Variants in MYO18A observed in about 807,000 individuals in gnomAD.
MYO18A encodes myosin XVIIIA, also known as unconventional myosin-XVIIIa.
MYO18A carries 78 observed loss-of-function variants against 235.8 expected under a neutral mutation model. The observed-to-expected ratio is 0.33, with a 90% CI of 0.28 to 0.40. MYO18A has a LOEUF of 0.40. Ranked by LOEUF, MYO18A falls within the 10% of genes least tolerant of loss-of-function variation. The pLI, the probability that MYO18A is intolerant of heterozygous loss-of-function variation, is 1.00. For synonymous variants in MYO18A, 977 were observed against 1,077.8 expected (o/e 0.91, Z 1.83); for missense variants, 2,215 against 2,699.3 (o/e 0.82, Z 3.98).
chr17:29,113,320 G>A (rs1288333353), intron 15 of MYO18A, among the ~76,000 whole-genome samples: 1 of 152,238 alleles, frequency 6.6e-6, no homozygotes, highest in East Asian at 1.9e-4. Flanking sequence ...TCGCAAAAAT[G>A]CCAGTTCTCC....
chr17:29,115,301 C>T (rs1349271314), intron 13 of MYO18A, 50 bp downstream of exon 13: 1 of 1,598,348 alleles, frequency 6.3e-7, no homozygotes. Context: ...AAGGCATCTA[C>T]TCCACCTCTG....
At chr17:29,086,908 G>T in intron 38 of MYO18A, 28 bp downstream of exon 38, 1 of 1,594,322 alleles carries the variant, frequency 6.3e-7, no homozygotes, top group Admixed American at 1.7e-5. Context: ...GCTGCCATGT[G>T]GGCCCCGTGG....
chr17:29,116,527 T>C, intron 10 of MYO18A, 72 bp from the exon 11 acceptor site: 1 of 1,598,282 alleles, frequency 6.3e-7, no homozygotes, highest in Non-Finnish European at 8.6e-7. Flanking sequence ...TCAATAGAGC[T>C]CGCCGCCTCG....
At position 29,093,342 on chromosome 17, in the gene MYO18A, A is replaced by T. The variant is rs1238100613; in HGVS notation, c.4907T>A (p.Leu1636His). Residue 1636 changes from leucine (L) to histidine (H), a missense_variant, in exon 32 of 42, where the codon CTC becomes CAC. Leu to His is a moderately conservative substitution (Grantham distance 99, BLOSUM62 -3). Coordinates refer to ENST00000527372, the MANE Select transcript of MYO18A (RefSeq NM_078471.4). ...CCTGACCTGGTCGCTGAGGGTGGCG[A>T]GCTTGCCCTCCAGCTCCCGCTTCTC... is the stretch of plus-strand genomic sequence containing the variant. ...LREKRELEGK[L>H]ATLSDQVNRR... 1 of 1,612,012 alleles carries T rather than the reference A, an allele frequency of 6.2e-7. No individual in the cohort carries two copies. The highest frequency in any genetic ancestry group is 8.5e-7 in the Non-Finnish European group (1 of 1,179,602).
At chr17:29,088,086 C>CT (rs2066301772) in intron 37 of MYO18A, among the ~76,000 whole-genome samples, 1 of 129,038 alleles carries the variant, frequency 7.7e-6, no homozygotes, top group Non-Finnish European at 1.6e-5. Context: ...GACGGAGTGT[C>CT]GCTGTCGCCC....
intron 31 of MYO18A, 110 bp from the exon 32 acceptor site, chr17:29,093,537 G>A: frequency 2.5e-6 from 2 of 785,664 alleles, no homozygotes; most frequent in South Asian, 1.6e-5. Flanking sequence ...GCAGGCCTGA[G>A]CACAATGATG....
At chr17:29,094,112 T>A (rs1050212263) in intron 30 of MYO18A, 22 bp from the exon 31 acceptor site, 6 of 1,573,298 alleles carry the variant, frequency 3.8e-6, no homozygotes, top group Non-Finnish European at 4.3e-6. Flanking sequence ...TGGAGTAGGG[T>A]CTGGGTTCCC....
At chr17:29,112,809 G>A (rs992105157) in intron 15 of MYO18A, among the ~76,000 whole-genome samples, 52 of 152,184 alleles carry the variant, frequency 3.4e-4, no homozygotes, top group Admixed American at 3.4e-3. Flanking sequence ...TCTCCTCCCC[G>A]CAGATGCCCA....
intron 21 of MYO18A, 77 bp from the exon 22 acceptor site, chr17:29,099,839 G>A: frequency 6.4e-7 from 1 of 1,554,600 alleles, no homozygotes; most frequent in Non-Finnish European, 8.7e-7. Context: ...GTGAGGAACT[G>A]GAGAAACAAG....
chr17:29,147,224 A>G (rs994023448), intron 2 of MYO18A, among the ~76,000 whole-genome samples: 1 of 152,184 alleles, frequency 6.6e-6, no homozygotes, highest in Non-Finnish European at 1.5e-5. Flanking sequence ...GTGCCTTAAG[A>G]ATGCTGAGCA....
intron 20 of MYO18A, among the ~76,000 whole-genome samples, 155 bp from the exon 21 acceptor site, chr17:29,103,819 C>T (rs546236279): frequency 1.3e-5 from 2 of 152,354 alleles, no homozygotes; most frequent in African/African-American, 2.4e-5. Context: ...CTGGGTTGGA[C>T]TCTGGGGACA....
chr17:29,106,571 G>A lies in MYO18A; in HGVS notation c.3441+509C>T, dbSNP rs1014663351. On this transcript the variant is annotated intron_variant, in intron 20 of 41. Coordinates refer to ENST00000527372, the MANE Select transcript of MYO18A (RefSeq NM_078471.4). This position sits in a 1 kb window ranked among gnomAD's most constrained non-coding sequence, Gnocchi z 4.6. ...TAAGGGGCTGCCTCTGGGGCTCAAGGTGATAGCCCAGACGGGCAGGGACAC... is the reference window on the plus strand; with the variant it reads ...TAAGGGGCTGCCTCTGGGGCTCAAGATGATAGCCCAGACGGGCAGGGACAC... 9.2e-5 allele frequency among the ~76,000 whole-genome samples: 14 copies of A among 152,182 alleles called. No individual in the cohort carries two copies. Among genetic ancestry groups the A allele is most frequent in the Non-Finnish European group, 1.6e-4 (11 of 68,026 alleles).
At position 29,074,835 on chromosome 17, in the gene MYO18A, G is replaced by A. The variant is rs1377693757; in HGVS notation, c.6100C>T (p.Arg2034Ter). ...HDPLDNTSRPRYSHSYLSDSD... is the reference protein window; with the variant it reads ...HDPLDNTSRP ...TCACTCAGATAACTGTGGGAGTATC[G>A]CGGTCTGGAGGTGTTGTCGAGAGGG... The change falls in exon 42 of 42, where the codon CGA (arginine) becomes TGA (stop). Residue 2034 changes from arginine to a stop codon, truncating the protein, a stop_gained. Transcript: ENST00000527372. LOFTEE classifies it high-confidence loss of function. The surrounding 1 kb of genome is among the most constrained non-coding windows in gnomAD (Gnocchi z 4.4). 8.7e-6 allele frequency: 14 copies of A among 1,613,858 alleles called. No individual in the cohort carries two copies. Among genetic ancestry groups the A allele is most frequent in the Middle Eastern group, 1.6e-4 (1 of 6,084 alleles).
In MYO18A at chr17:29,071,209, C is replaced by G. The variant is rs1290522358; in HGVS notation, c.*3561G>C. The G allele has an allele frequency of 6.6e-6, 1 of 152,258 alleles. No individual in the cohort carries two copies. Among genetic ancestry groups the G allele is most frequent in the East Asian group, 1.9e-4 (1 of 5,202 alleles). 9.4% of individuals were successfully genotyped at this position (152,258 alleles called of 1,614,324 possible). Reference sequence around the variant, plus strand: ...ACAGGGGCACTGGTTCCCGCCCATGCTTATTCAGGAGTCAGAGCAATCCCG... The same window carrying G: ...ACAGGGGCACTGGTTCCCGCCCATGGTTATTCAGGAGTCAGAGCAATCCCG... On this transcript the variant is annotated 3_prime_UTR_variant, in exon 42 of 42. Coordinates refer to ENST00000527372, the MANE Select transcript of MYO18A (RefSeq NM_078471.4).
At position 29,120,316 on chromosome 17, in the gene MYO18A, G is replaced by C. The variant is rs906578091; in HGVS notation, c.1728+300C>G. ...GAAATCGGCCCGAGAGAAGCCCCGA[G>C]CATGAATCTCAGAAAGTGGGAAGTA... is the stretch of plus-strand genomic sequence containing the variant. On this transcript the variant is annotated intron_variant, in intron 7 of 41. Transcript: ENST00000527372. The surrounding 1 kb of genome is among the most constrained non-coding windows in gnomAD (Gnocchi z 4.2). 2.0e-5 allele frequency among the ~76,000 whole-genome samples: 3 copies of C among 152,126 alleles called. No individual in the cohort carries two copies. The highest frequency in any genetic ancestry group is 4.4e-5 in the Non-Finnish European group (3 of 68,040).
intron 2 of MYO18A, among the ~76,000 whole-genome samples, chr17:29,148,615 T>A (rs2067899749): frequency 6.7e-6 from 1 of 148,914 alleles, no homozygotes; most frequent in Non-Finnish European, 1.5e-5. Flanking sequence ...TGTGTGTGTG[T>A]GTAAGTAACA....
In MYO18A at chr17:29,166,865, C is replaced by CCTTTTT. The variant is rs762959139; in HGVS notation, c.70_75dup (p.Lys24_Lys25dup). The CCTTTTT allele has an allele frequency of 1.7e-4, 258 of 1,552,630 alleles. No individual in the cohort carries two copies. Among genetic ancestry groups the CCTTTTT allele is most frequent in the Non-Finnish European group, 2.2e-4 (249 of 1,147,656 alleles). ...CGAAGCTCTGCCGCTGACATCCGCT[C>CCTTTTT]CTTTTTCTCCTTTTTCTCCTTCTTC... On this transcript the variant is annotated inframe_insertion, in exon 2 of 42. Transcript: ENST00000527372.
intron 2 of MYO18A, chr17:29,136,889 C>T (rs558158962): frequency 6.6e-6 from 1 of 152,190 alleles, no homozygotes; most frequent in African/African-American, 2.4e-5. Context: ...CTCTCCAAAT[C>T]GAGTTTTTGG....
chr17:29,110,214 G>T, intron 18 of MYO18A, 113 bp from the exon 19 acceptor site: 1 of 1,436,898 alleles, frequency 7.0e-7, no homozygotes, highest in Non-Finnish European at 9.3e-7. Flanking sequence ...CCCAGCACCA[G>T]CCAGGACATG....
Sources: gnomAD v4.1 joint callset for allele counts (sites outside exome capture counted in the v4.1 genomes callset) on GRCh38, gnomAD v4.1.1 for gene constraint, Gnocchi (gnomAD v3.1) non-coding constraint, MANE v1.5 for transcripts, NCBI Gene and HGNC (gene_info 2026-07-23, HGNC 2026-07-21) for gene names.